Variants in SORBS2 observed in about 807,000 individuals in gnomAD.
SORBS2 encodes sorbin and SH3 domain-containing protein 2.
SORBS2 carries 46 observed loss-of-function variants against 97.7 expected under a neutral mutation model. The observed-to-expected ratio is 0.47, with a 90% CI of 0.37 to 0.60. The LOEUF (loss-of-function observed/expected upper bound fraction) is 0.60, where lower values mean the gene tolerates loss of function less well. SORBS2 is among the 20% of genes least tolerant of loss of function. SORBS2 has a pLI of 0.00. For missense variants in SORBS2, 1,316 were observed against 1,282.3 expected, an observed-to-expected ratio of 1.03 and a Z score of -0.40; for synonymous variants, 476 against 473.4, an observed-to-expected ratio of 1.01 and a Z score of -0.07.
chr4:185,811,666 C>G (rs2099186182), intron 1 of SORBS2: 1 of 152,224 alleles, frequency 6.6e-6, no homozygotes. Context: ...AAGCTTACCT[C>G]TGTCAGTGTA....
In SORBS2 at chr4:185,606,806, T is replaced by A. The variant is rs1325515954; in HGVS notation, c.2796+4974A>T. ...ATGCCTGACACAATCCCCTCATAGA[T>A]GCCCTCATCTTCCTCTCCAATGACC... On this transcript the variant is annotated intron_variant, in intron 12 of 14. Transcript: ENST00000418609. The surrounding 1 kb of genome is among the most constrained non-coding windows in gnomAD (Gnocchi z 4.3). 2.0e-6 allele frequency: 2 copies of A among 985,258 alleles called. No homozygotes were observed. Among genetic ancestry groups the A allele is most frequent in the Non-Finnish European group, 2.4e-6 (2 of 829,928 alleles). 61.0% of individuals were successfully genotyped at this position (985,258 alleles called of 1,614,324 possible). A position where few individuals can be genotyped will look rare whatever the true frequency, so the allele number is the denominator to read the frequency against.
At chr4:185,814,350 C>A (rs2099191960) in intron 1 of SORBS2, among the ~76,000 whole-genome samples, 1 of 149,900 alleles carries the variant, frequency 6.7e-6, no homozygotes, top group African/African-American at 2.5e-5. Flanking sequence ...AGGCAACAGA[C>A]TGCATCTCTA....
rs28475766 is a variant in SORBS2, at chr4:185,838,234, C to T, written c.-337-62868G>A. Reference sequence around the variant, plus strand: ...GGCCTTAGCTTCCTGCCCAGCTTCCCGGCTGCAGTGGGCCTAGCTATAACT... The same window carrying T: ...GGCCTTAGCTTCCTGCCCAGCTTCCTGGCTGCAGTGGGCCTAGCTATAACT... On this transcript the variant is annotated intron_variant, in intron 1 of 20. Transcript: ENST00000284776. 4.2e-3 allele frequency among the ~76,000 whole-genome samples: 634 copies of T among 152,362 alleles called. 3 individuals are homozygous for T. The highest frequency in any genetic ancestry group is 0.014 in the African/African-American group (601 of 41,588).
rs193174547 is a variant in SORBS2, at chr4:185,602,718, A to G, written c.2797-8783T>C. Among the ~76,000 whole-genome samples the G allele has an allele frequency of 8.4e-4, 126 of 150,324 alleles. 1 individual carries two copies. Among genetic ancestry groups the G allele is most frequent in the Non-Finnish European group, 1.9e-4 (13 of 67,806 alleles). On this transcript the variant is annotated intron_variant, in intron 12 of 14. Transcript: ENST00000418609. The stretch of plus-strand genomic sequence containing the variant: ...TGAGCATCAGCATTCTTGAAATGGA[A>G]GAAATAAAAAGGCTTCGGACTCAGA...
In SORBS2 at chr4:185,826,034, A is replaced by C. The variant is rs1028874323; in HGVS notation, c.-337-50668T>G. ...TGAAAGCATTTAAAGTCCATGGCTT[A>C]CCAAGCCAAACAAGAACTCCATTCA... is the stretch of plus-strand genomic sequence containing the variant. On this transcript the variant is annotated intron_variant, in intron 1 of 20. Transcript: ENST00000284776. 4.5e-4 allele frequency among the ~76,000 whole-genome samples: 68 copies of C among 152,352 alleles called. 1 individual carries two copies. Among genetic ancestry groups the C allele is most frequent in the Non-Finnish European group, 5.7e-4 (39 of 68,036 alleles).
chr4:185,698,389 T>A (rs1291490931), intron 2 of SORBS2, among the ~76,000 whole-genome samples: 3 of 152,114 alleles, frequency 2.0e-5, no homozygotes, highest in Non-Finnish European at 4.4e-5. Context: ...GGCAGGAGAA[T>A]GGCTTGAAGC....
At chr4:185,744,605 T>TA (rs1189379073) in intron 2 of SORBS2, among the ~76,000 whole-genome samples, 1 of 152,262 alleles carries the variant, frequency 6.6e-6, no homozygotes, top group Non-Finnish European at 1.5e-5. Context: ...GTGGTGGCAC[T>TA]AATGAGCCTG....
chr4:185,818,935 T>G (rs977381460), intron 1 of SORBS2, among the ~76,000 whole-genome samples: 23 of 152,196 alleles, frequency 1.5e-4, no homozygotes, highest in African/African-American at 5.5e-4. Context: ...AAAATTTATC[T>G]GAGAGCTGAT....
intron 4 of SORBS2, among the ~76,000 whole-genome samples, chr4:185,674,825 G>A (rs2097769422): frequency 6.6e-6 from 1 of 152,090 alleles, no homozygotes; most frequent in Admixed American, 6.5e-5. Flanking sequence ...TCTCTTTTCA[G>A]TGAGGTCTAT....
Position 185,758,044 on chromosome 4 carries a change from G to A in SORBS2, c.-198+17183C>T, listed in dbSNP as rs924062271. On this transcript the variant is annotated intron_variant, in intron 2 of 20. Transcript: ENST00000284776. ...GCATATATTTTGTTTATCTAGAGTT[G>A]TGTGGAGGCTGCTGTTCAGAGCATT... is the stretch of plus-strand genomic sequence containing the variant. Among the ~76,000 whole-genome samples the A allele has an allele frequency of 2.6e-5, 4 of 152,306 alleles. No individual in the cohort carries two copies. The South Asian group carries it at 8.3e-4, about 32-fold the overall frequency.
intron 1 of SORBS2, among the ~76,000 whole-genome samples, chr4:185,880,806 G>A (rs774264672): frequency 3.3e-5 from 5 of 152,192 alleles, no homozygotes; most frequent in Non-Finnish European, 5.9e-5. Context: ...ATAGACTGTG[G>A]TCAGACAAGG....
chr4:185,927,826 A>G (rs1579535437), intron 1 of SORBS2, among the ~76,000 whole-genome samples: 1 of 152,166 alleles, frequency 6.6e-6, no homozygotes, highest in Non-Finnish European at 1.5e-5. Context: ...CAAAGCCCTT[A>G]TAGGTACTGT....
intron 1 of SORBS2, among the ~76,000 whole-genome samples, chr4:185,897,522 C>T (rs927694059): frequency 1.4e-4 from 22 of 152,198 alleles, no homozygotes; most frequent in African/African-American, 5.1e-4. Flanking sequence ...CCTATGTACA[C>T]ATTAAGAAAA....
At chr4:185,933,536 T>C (rs1317612820) in intron 1 of SORBS2, among the ~76,000 whole-genome samples, 1 of 152,142 alleles carries the variant, frequency 6.6e-6, no homozygotes, top group Non-Finnish European at 1.5e-5. Flanking sequence ...AGTCTGTTGC[T>C]TGCCTTTCCC....
At chr4:185,900,656 A>T (rs1486290534) in intron 1 of SORBS2, among the ~76,000 whole-genome samples, 1 of 152,222 alleles carries the variant, frequency 6.6e-6, no homozygotes, top group Admixed American at 6.5e-5. Flanking sequence ...TGTGAATTAC[A>T]TACCCAATAT....
At chr4:185,604,445 C>T (rs761177959) in intron 12 of SORBS2, among the ~76,000 whole-genome samples, 6 of 151,730 alleles carry the variant, frequency 4.0e-5, no homozygotes, top group East Asian at 3.9e-4. Flanking sequence ...GAAACAGAGG[C>T]GAAGAGAGAA....
At chr4:185,783,507 G>GTA (rs2099041191) in intron 1 of SORBS2, among the ~76,000 whole-genome samples, 1 of 152,140 alleles carries the variant, frequency 6.6e-6, no homozygotes, top group African/African-American at 2.4e-5. Flanking sequence ...TTTATGTATA[G>GTA]TATATTATAG....
intron 1 of SORBS2, among the ~76,000 whole-genome samples, chr4:185,855,411 C>T (rs905071100): frequency 6.6e-6 from 1 of 152,126 alleles, no homozygotes; most frequent in Non-Finnish European, 1.5e-5. Context: ...CTCAGAACAG[C>T]ACATAGCAGA....
intron 2 of SORBS2, among the ~76,000 whole-genome samples, chr4:185,744,105 T>C (rs1269250594): frequency 2.9e-5 from 4 of 138,754 alleles, no homozygotes; most frequent in African/African-American, 1.1e-4. Context: ...CTTTCTCTTC[T>C]CCCCCTCCTC....
Sources: gnomAD v4.1 joint callset for allele counts (sites outside exome capture counted in the v4.1 genomes callset) on GRCh38, gnomAD v4.1.1 for gene constraint, Gnocchi (gnomAD v3.1) non-coding constraint, MANE v1.5 for transcripts, NCBI Gene and HGNC (gene_info 2026-07-23, HGNC 2026-07-21) for gene names.